TRIM59: variants seen among roughly 807,000 people sequenced by gnomAD.
The protein encoded by TRIM59 is tripartite motif containing 59, also known as tripartite motif-containing protein 59.
A neutral mutation model predicts 32.2 loss-of-function variants in TRIM59; 14 were observed. The ratio of observed to expected loss-of-function variants is 0.43; its 90% CI spans 0.29 to 0.68. TRIM59 has a LOEUF of 0.68. TRIM59 is among the 30% of genes least tolerant of loss of function. The pLI is 0.15. For synonymous variants in TRIM59, 163 were observed against 155.1 expected (o/e 1.05, Z -0.38); for missense variants, 471 against 463.3 (o/e 1.02, Z -0.15).
At chr3:160,448,925 C>T (rs543349276) in intron 1 of TRIM59, 130 bp from the exon 2 acceptor site, 34 of 423,178 alleles carry the variant, frequency 8.0e-5, no homozygotes, top group African/African-American at 7.2e-4. Flanking sequence ...AAGCCACAAA[C>T]ACCAACACAG....
At chr3:160,443,142 G>T (rs1305562308) in intron 2 of TRIM59, among the ~76,000 whole-genome samples, 1 of 152,170 alleles carries the variant, frequency 6.6e-6, no homozygotes, top group Non-Finnish European at 1.5e-5. Flanking sequence ...AAAGATACAG[G>T]TGGCTACCAT....
At position 160,436,082 on chromosome 3, in the gene TRIM59, T is replaced by C. The variant is rs187944293; in HGVS notation, c.*1890A>G. 6 of 1,133,020 alleles carry C rather than the reference T, an allele frequency of 5.3e-6. No homozygotes were observed. In the East Asian group the frequency reaches 3.4e-4, roughly 65 times the overall value. The allele number at this position is 1,133,020 out of a possible 1,614,324, so 70.2% of individuals were successfully genotyped here. ...AGCTGAGTATGTGTCTCTCCTTACC[T>C]CTACTATGCCCTTTAAATGTTCTTT... is the stretch of plus-strand genomic sequence containing the variant. On this transcript the variant is annotated 3_prime_UTR_variant, in exon 3 of 3. Coordinates refer to ENST00000309784, the MANE Select transcript of TRIM59 (RefSeq NM_173084.3).
intron 2 of TRIM59, among the ~76,000 whole-genome samples, chr3:160,444,597 A>G (rs557193349): frequency 6.6e-6 from 1 of 152,298 alleles, no homozygotes; most frequent in Admixed American, 6.5e-5. Flanking sequence ...CCCCATTAGA[A>G]TATGTGTGGG....
At position 160,436,238 on chromosome 3, in the gene TRIM59, G is replaced by GT. The variant is rs1718937953; in HGVS notation, c.*1733dup. ...TTAGAACTAGTTCCCTGAAAAAGCT[G>GT]TATTTATGATAGTTTATGTGCAATC... is the stretch of plus-strand genomic sequence containing the variant. On this transcript the variant is annotated 3_prime_UTR_variant, in exon 3 of 3. Transcript: ENST00000309784. The GT allele has an allele frequency of 7.0e-6, 7 of 994,332 alleles. No individual in the cohort carries two copies. The highest frequency in any genetic ancestry group is 8.4e-6 in the Non-Finnish European group (7 of 835,408). 61.6% of individuals were successfully genotyped at this position (994,332 alleles called of 1,614,324 possible).
In TRIM59 at chr3:160,438,499, G is replaced by T; in HGVS notation, c.685C>A (p.Arg229=). 6.2e-7 allele frequency: 1 copy of T among 1,612,466 alleles called. No homozygotes were observed. Among genetic ancestry groups the T allele is most frequent in the Non-Finnish European group, 8.5e-7 (1 of 1,179,636 alleles). Residue 229 remains arginine (R), a synonymous_variant, in exon 3 of 3, where the codon CGA becomes AGA. Transcript: ENST00000309784. ...TPQIERMKEI[R]EQQLELMALT... Reference sequence around the variant, plus strand: ...GCCATTAATTCAAGCTGCTGCTCTCGTATTTCCTTCATTCTTTCAATTTGT... The same window carrying T: ...GCCATTAATTCAAGCTGCTGCTCTCTTATTTCCTTCATTCTTTCAATTTGT...
chr3:160,445,548 C>T (rs995957675), intron 2 of TRIM59, among the ~76,000 whole-genome samples: 2 of 152,030 alleles, frequency 1.3e-5, no homozygotes, highest in Admixed American at 6.5e-5. Context: ...CCGAGACAGG[C>T]GGACCACCTG....
chr3:160,439,584 G>C (rs1023533987), intron 2 of TRIM59, among the ~76,000 whole-genome samples: 1 of 152,080 alleles, frequency 6.6e-6, no homozygotes, highest in Admixed American at 6.6e-5. Context: ...AGTCATGGGG[G>C]CAGTTCCCCC....
chr3:160,443,871 A>T (rs1719384557), intron 2 of TRIM59, among the ~76,000 whole-genome samples: 1 of 152,108 alleles, frequency 6.6e-6, no homozygotes, highest in Non-Finnish European at 1.5e-5. Flanking sequence ...CAATCTCCTG[A>T]CCTCATGATC....
intron 2 of TRIM59, among the ~76,000 whole-genome samples, chr3:160,446,820 G>T (rs567058564): frequency 6.6e-6 from 1 of 152,162 alleles, no homozygotes; most frequent in African/African-American, 2.4e-5. Context: ...AACTGCGCAC[G>T]CGAGGGATCT....
intron 1 of TRIM59, 21 bp from the exon 2 acceptor site, chr3:160,448,816 T>C (rs1470971380): frequency 1.7e-6 from 2 of 1,160,050 alleles, no homozygotes; most frequent in African/African-American, 1.6e-5. Context: ...AATAATGTTA[T>C]CTTTAATGTT....
chr3:160,442,725 A>C (rs1024335447), intron 2 of TRIM59, among the ~76,000 whole-genome samples: 1 of 152,248 alleles, frequency 6.6e-6, no homozygotes, highest in Non-Finnish European at 1.5e-5. Context: ...TTATTGATTA[A>C]AAACTAATTT....
In TRIM59 at chr3:160,436,391, G is replaced by C; in HGVS notation, c.*1581C>G. The C allele has an allele frequency of 1.0e-6, 1 of 986,130 alleles. No individual in the cohort carries two copies. The highest frequency in any genetic ancestry group is 1.2e-6 in the Non-Finnish European group (1 of 830,182). 61.1% of individuals were successfully genotyped at this position (986,130 alleles called of 1,614,324 possible). A position where few individuals can be genotyped will look rare whatever the true frequency, so the allele number is the denominator to read the frequency against. ...GAAAGCAAATCAACCTGCACTTAGA[G>C]TTGCATGGACAGTGGGCCAAAAGTC... On this transcript the variant is annotated 3_prime_UTR_variant, in exon 3 of 3. Coordinates refer to ENST00000309784, the MANE Select transcript of TRIM59 (RefSeq NM_173084.3).
chr3:160,436,591 G>T lies in TRIM59; in HGVS notation c.*1381C>A. ...AGGCGAGTGGATCATGAGGTCAGGAGATAGAGACCATCCTGGCTAACACAG... is the reference window on the plus strand; with the variant it reads ...AGGCGAGTGGATCATGAGGTCAGGATATAGAGACCATCCTGGCTAACACAG... On this transcript the variant is annotated 3_prime_UTR_variant, in exon 3 of 3. Coordinates refer to ENST00000309784, the MANE Select transcript of TRIM59 (RefSeq NM_173084.3). 1.2e-6 allele frequency: 1 copy of T among 861,112 alleles called. No homozygotes were observed. The highest frequency in any genetic ancestry group is 1.4e-6 in the Non-Finnish European group (1 of 716,194). 53.3% of individuals were successfully genotyped at this position (861,112 alleles called of 1,614,324 possible).
intron 2 of TRIM59, among the ~76,000 whole-genome samples, chr3:160,443,383 G>A (rs998827262): frequency 2.0e-5 from 3 of 151,826 alleles, no homozygotes; most frequent in Admixed American, 1.3e-4. Flanking sequence ...GATATTCTCA[G>A]GGGAAAAAAA....
chr3:160,448,183 C>T (rs1172141053), intron 2 of TRIM59, among the ~76,000 whole-genome samples: 4 of 151,976 alleles, frequency 2.6e-5, no homozygotes, highest in Non-Finnish European at 4.4e-5. Flanking sequence ...TCAATTTAAC[C>T]GGAATTGACT....
intron 2 of TRIM59, among the ~76,000 whole-genome samples, chr3:160,441,216 T>G (rs1719219844): frequency 6.6e-6 from 1 of 152,248 alleles, no homozygotes; most frequent in Non-Finnish European, 1.5e-5. Flanking sequence ...GTAACTTTTC[T>G]GTATACATTA....
chr3:160,436,176 T>C lies in TRIM59; in HGVS notation c.*1796A>G. The stretch of plus-strand genomic sequence containing the variant: ...ATAATAAATTGATATAATACAGTCA[T>C]CTTAGTGTTAAGACTTATTCTCAGC... On this transcript the variant is annotated 3_prime_UTR_variant, in exon 3 of 3. Transcript: ENST00000309784. The C allele has an allele frequency of 9.8e-7, 1 of 1,015,436 alleles. No individual in the cohort carries two copies. The highest frequency in any genetic ancestry group is 1.2e-6 in the Non-Finnish European group (1 of 847,398). The allele number at this position is 1,015,436 out of a possible 1,614,324, so 62.9% of individuals were successfully genotyped here.
chr3:160,438,571 T>G lies in TRIM59; in HGVS notation c.613A>C (p.Thr205Pro). ...AGATTGCCAACATCACAGAGAGCCG[T>G]TAGGAAACTTTTTTTTTTCTGTTCT... ...TLEQKKKSFL[T>P]ALCDVGNLIN... The change falls in exon 3 of 3, where the codon ACG (threonine) becomes CCG (proline). Residue 205 changes from threonine to proline, a missense_variant. Physicochemically the swap from Thr to Pro is conservative, Grantham distance 38 (BLOSUM62 -1). Coordinates refer to ENST00000309784, the MANE Select transcript of TRIM59 (RefSeq NM_173084.3). The G allele has an allele frequency of 6.2e-7, 1 of 1,611,564 alleles. No homozygotes were observed. Among genetic ancestry groups the G allele is most frequent in the South Asian group, 1.1e-5 (1 of 90,152 alleles).
intron 2 of TRIM59, among the ~76,000 whole-genome samples, chr3:160,445,136 C>T (rs192358615): frequency 6.6e-5 from 10 of 151,998 alleles, no homozygotes; most frequent in African/African-American, 2.4e-4. Context: ...AAAAATTGGC[C>T]TGGTGTAATG....
Sources: allele counts gnomAD v4.1 joint callset (sites outside exome capture counted in the v4.1 genomes callset), GRCh38; gene constraint gnomAD v4.1.1; transcripts MANE v1.5; gene names NCBI Gene and HGNC (gene_info 2026-07-23, HGNC 2026-07-21).